Variants in GABRB2 observed in about 807,000 individuals in gnomAD.
GABRB2 encodes the protein gamma-aminobutyric acid receptor subunit beta-2.
A neutral mutation model predicts 54.7 loss-of-function variants in GABRB2; 16 were observed. That is an observed-to-expected ratio of 0.29 (90% CI 0.20 to 0.44). The LOEUF is 0.44. Ranked by LOEUF, GABRB2 falls within the 20% of genes least tolerant of loss-of-function variation. The probability of loss-of-function intolerance (pLI) is 1.00; values close to 1 mark genes in which losing one functional copy is unlikely to be tolerated. For missense variants in GABRB2, 355 were observed against 644.0 expected (o/e 0.55, Z 4.86); for synonymous variants, 244 against 233.8 (o/e 1.04, Z -0.40).
intron 4 of GABRB2, among the ~76,000 whole-genome samples, chr5:161,434,765 G>A (rs1757263797): frequency 6.6e-6 from 1 of 152,120 alleles, no homozygotes. Flanking sequence ...TGGGACCTAG[G>A]TGCCCTAGGT....
intron 5 of GABRB2, among the ~76,000 whole-genome samples, chr5:161,367,707 A>G (rs1393483241): frequency 3.9e-5 from 6 of 152,150 alleles, no homozygotes; most frequent in Admixed American, 3.9e-4. Context: ...TCGTGCCTCT[A>G]AAACACGGCA....
chr5:161,416,718 A>G (rs1195075346), intron 4 of GABRB2, among the ~76,000 whole-genome samples: 1 of 146,604 alleles, frequency 6.8e-6, no homozygotes, highest in East Asian at 2.0e-4. Context: ...AAAAAAAAAA[A>G]AAAAAAATTA....
In GABRB2 at chr5:161,407,427, A is replaced by C. The variant is rs116633175; in HGVS notation, c.541+3548T>G. ...TGTGATTAAAACTTATTTTTTTTTA[A>C]AGAGAGAAATCTTTGATTTGTACTA... On this transcript the variant is annotated intron_variant, in intron 5 of 9. Transcript: ENST00000393959. Among the ~76,000 whole-genome samples the C allele has an allele frequency of 2.6e-3, 395 of 152,126 alleles. 4 individuals are homozygous for C. The highest frequency in any genetic ancestry group is 8.2e-3 in the African/African-American group (340 of 41,516).
At chr5:161,411,127 G>A in intron 4 of GABRB2, 70 bp from the exon 5 acceptor site, 1 of 1,181,016 alleles carries the variant, frequency 8.5e-7, no homozygotes, top group East Asian at 2.3e-5. Flanking sequence ...TTAAATCTAA[G>A]TATCAAAGAA....
chr5:161,332,718 G>T (rs911901518), intron 7 of GABRB2, among the ~76,000 whole-genome samples: 7 of 152,014 alleles, frequency 4.6e-5, no homozygotes, highest in Non-Finnish European at 1.0e-4. Flanking sequence ...ATCCAATAAC[G>T]CATCCTGAAG....
intron 9 of GABRB2, among the ~76,000 whole-genome samples, chr5:161,322,658 A>G (rs977445740): frequency 3.3e-5 from 5 of 152,156 alleles, no homozygotes; most frequent in Non-Finnish European, 5.9e-5. Flanking sequence ...GTTAATCCAC[A>G]GTACCTGTTC....
chr5:161,461,079 C>T (rs954172391), intron 3 of GABRB2, among the ~76,000 whole-genome samples: 5 of 151,930 alleles, frequency 3.3e-5, no homozygotes, highest in Non-Finnish European at 7.4e-5. Context: ...GAAAATTAGC[C>T]CCATGAAATT....
intron 3 of GABRB2, among the ~76,000 whole-genome samples, chr5:161,508,567 T>C (rs2113397662): frequency 6.6e-6 from 1 of 151,992 alleles, no homozygotes; most frequent in Middle Eastern, 3.4e-3. Context: ...GTTGCCACTT[T>C]AACAAGTAGA....
rs1388546799 is a variant in GABRB2, at chr5:161,357,173, C to T, written c.542-20404G>A. ...AAGTATCTGTTGTCTTGGGAGGACA[C>T]TGAAGTTGCAATTTTAAGCAGAACC... On this transcript the variant is annotated intron_variant, in intron 5 of 9. Coordinates refer to ENST00000393959, the MANE Select transcript of GABRB2 (RefSeq NM_001371727.1). Among the ~76,000 whole-genome samples the T allele has an allele frequency of 2.6e-5, 4 of 152,196 alleles. 1 individual carries two copies. In the South Asian group the frequency reaches 6.2e-4, roughly 24 times the overall value.
Position 161,337,732 on chromosome 5 carries a change from G to A in GABRB2, c.542-963C>T, listed in dbSNP as rs144303693. Among the ~76,000 whole-genome samples the A allele has an allele frequency of 2.9e-3, 440 of 152,082 alleles. 1 individual carries two copies. The highest frequency in any genetic ancestry group is 9.1e-3 in the African/African-American group (376 of 41,488). Reference sequence around the variant, plus strand: ...TAGATTGTAAACAGTGCTGTACAGGGAAGTATGCCATAAAATCCAGTGAAT... The same window carrying A: ...TAGATTGTAAACAGTGCTGTACAGGAAAGTATGCCATAAAATCCAGTGAAT... On this transcript the variant is annotated intron_variant, in intron 5 of 9. Coordinates refer to ENST00000393959, the MANE Select transcript of GABRB2 (RefSeq NM_001371727.1).
At chr5:161,312,605 T>G (rs1042282173) in intron 9 of GABRB2, among the ~76,000 whole-genome samples, 6 of 152,188 alleles carry the variant, frequency 3.9e-5, no homozygotes, top group Non-Finnish European at 7.3e-5. Flanking sequence ...TACGTTACTT[T>G]TCTCTGGGCC....
chr5:161,503,534 C>T (rs985964050), intron 3 of GABRB2, among the ~76,000 whole-genome samples: 2 of 151,802 alleles, frequency 1.3e-5, no homozygotes, highest in Non-Finnish European at 2.9e-5. Flanking sequence ...CTTGGAGAAA[C>T]CTCGTCTCTA....
intron 4 of GABRB2, among the ~76,000 whole-genome samples, chr5:161,434,973 C>T (rs1030404090): frequency 1.3e-5 from 2 of 152,116 alleles, no homozygotes; most frequent in Non-Finnish European, 2.9e-5. Context: ...CCAGCTGGGT[C>T]AGAAGTCAGG....
chr5:161,397,403 C>T (rs757170304), intron 5 of GABRB2, among the ~76,000 whole-genome samples: 7 of 152,072 alleles, frequency 4.6e-5, no homozygotes, highest in Non-Finnish European at 7.4e-5. Flanking sequence ...CTCAATAGTA[C>T]TTTATGTAAG....
intron 3 of GABRB2, among the ~76,000 whole-genome samples, chr5:161,474,893 C>A (rs1758549232): frequency 6.6e-6 from 1 of 151,872 alleles, no homozygotes; most frequent in African/African-American, 2.4e-5. Context: ...TAGGCCAATA[C>A]TATAAAAGCA....
At chr5:161,380,865 T>TA (rs5872710) in intron 5 of GABRB2, among the ~76,000 whole-genome samples, 98,051 of 148,302 alleles carry the variant, frequency 0.66, 32,862 homozygotes, top group South Asian at 0.76. Flanking sequence ...TTTACAAGGG[T>TA]AAAAAAAAAA....
chr5:161,343,182 C>A (rs1462698446), intron 5 of GABRB2, among the ~76,000 whole-genome samples: 1 of 152,016 alleles, frequency 6.6e-6, no homozygotes, highest in Non-Finnish European at 1.5e-5. Flanking sequence ...GCATCTTATT[C>A]TTCACTCTGC....
At chr5:161,383,457 C>T (rs1755529750) in intron 5 of GABRB2, among the ~76,000 whole-genome samples, 1 of 151,930 alleles carries the variant, frequency 6.6e-6, no homozygotes, top group Non-Finnish European at 1.5e-5. Flanking sequence ...GTTCTCATTA[C>T]CCAGCTTGAA....
intron 3 of GABRB2, among the ~76,000 whole-genome samples, chr5:161,470,575 C>A (rs1758407465): frequency 6.6e-6 from 1 of 151,736 alleles, no homozygotes; most frequent in South Asian, 2.1e-4. Flanking sequence ...ATCTGCTAAC[C>A]AAGAATGCTA....
Sources: allele counts gnomAD v4.1 joint callset (sites outside exome capture counted in the v4.1 genomes callset), GRCh38; gene constraint gnomAD v4.1.1; transcripts MANE v1.5; gene names NCBI Gene and HGNC (gene_info 2026-07-23, HGNC 2026-07-21).